The following ROBO1 variants were observed in gnomAD, a reference collection of about 807,000 sequenced individuals.
ROBO1 encodes roundabout homolog 1.
In ROBO1, 149 loss-of-function variants were observed where a neutral mutation model predicts 195.9. The ratio of observed to expected loss-of-function variants is 0.76; its 90% CI spans 0.67 to 0.87. The LOEUF is 0.87. Among genes scored for constraint, ROBO1 ranks in the 40% least tolerant of loss-of-function variants. The probability of loss-of-function intolerance (pLI) is 0.00; values close to 1 mark genes in which losing one functional copy is unlikely to be tolerated. For synonymous variants in ROBO1, 816 were observed against 733.2 expected, an observed-to-expected ratio of 1.11 and a Z score of -1.82; for missense variants, 1,933 against 2,068.3, an observed-to-expected ratio of 0.93 and a Z score of 1.27.
intron 3 of ROBO1, among the ~76,000 whole-genome samples, chr3:78,986,049 C>T (rs1275074172): frequency 6.6e-6 from 1 of 152,128 alleles, no homozygotes; most frequent in African/African-American, 2.4e-5. Flanking sequence ...AAGGAAAGAA[C>T]AAGCTTATGG....
intron 3 of ROBO1, among the ~76,000 whole-genome samples, chr3:79,028,224 C>T (rs1216103892): frequency 6.6e-6 from 1 of 152,062 alleles, no homozygotes; most frequent in East Asian, 1.9e-4. Context: ...TCCAATAATT[C>T]TCTCAAATAT....
At chr3:78,718,022 T>C in intron 5 of ROBO1, 139 bp from the exon 6 acceptor site, 1 of 812,528 alleles carries the variant, frequency 1.2e-6, no homozygotes, top group Non-Finnish European at 1.9e-6. Context: ...ATGTAGTATT[T>C]GCTATTTTTA....
At chr3:79,533,489 A>G (rs7433735) in intron 2 of ROBO1, among the ~76,000 whole-genome samples, 86,806 of 151,764 alleles carry the variant, frequency 0.57, 24,952 homozygotes, top group Non-Finnish European at 0.6. Context: ...TATTTACTAG[A>G]CTAATATTCT....
In ROBO1 at chr3:78,642,593, G is replaced by A. The variant is rs145345027; in HGVS notation, c.2883-2695C>T. On this transcript the variant is annotated intron_variant, in intron 21 of 30. Coordinates refer to ENST00000464233, the MANE Select transcript of ROBO1 (RefSeq NM_002941.4). ...GACTTTCCCATCCCACCCTTCTCAG[G>A]TTTTCTCTGCTTTCTTGCTTTATGC... Among the ~76,000 whole-genome samples the A allele has an allele frequency of 4.6e-5, 7 of 152,240 alleles. No individual in the cohort carries two copies. The East Asian group carries it at 1.4e-3, about 29-fold the overall frequency.
rs58598961 is a variant in ROBO1 at position 78,973,575 on chromosome 3, C to CTATATATA, written c.173-34656_173-34649dup. Among the ~76,000 whole-genome samples, 96 of 129,410 alleles carry CTATATATA rather than the reference C, an allele frequency of 7.4e-4. 1 individual carries two copies. Among genetic ancestry groups the CTATATATA allele is most frequent in the African/African-American group, 2.5e-3 (89 of 36,280 alleles). The allele number at this position is 129,410 out of a possible 152,430, so 84.9% of individuals were successfully genotyped here. A position where few individuals can be genotyped will look rare whatever the true frequency, so the allele number is the denominator to read the frequency against. On this transcript the variant is annotated intron_variant, in intron 3 of 30. Transcript: ENST00000464233. ...TATAAGAAGCTATACATATATGAAG[C>CTATATATA]TATATATATATATATATATATATAG...
At chr3:79,437,788 A>G (rs1205734925) in intron 2 of ROBO1, among the ~76,000 whole-genome samples, 2 of 152,080 alleles carry the variant, frequency 1.3e-5, no homozygotes, top group East Asian at 3.9e-4. Flanking sequence ...AACACTGCTA[A>G]GGGGAAGAGA....
At chr3:78,817,207 C>T (rs1427194018) in intron 4 of ROBO1, among the ~76,000 whole-genome samples, 3 of 152,084 alleles carry the variant, frequency 2.0e-5, no homozygotes, top group Non-Finnish European at 4.4e-5. Context: ...GCCACCCAAG[C>T]CTTCTGCAAT....
chr3:79,323,935 A>G (rs114362940), intron 2 of ROBO1, among the ~76,000 whole-genome samples: 2,025 of 152,278 alleles, frequency 0.013, 41 homozygotes, highest in African/African-American at 0.044. Context: ...CATTTGCTCA[A>G]CTACCATAAT....
At chr3:79,213,819 T>TC (rs2082006766) in intron 2 of ROBO1, among the ~76,000 whole-genome samples, 1 of 136,102 alleles carries the variant, frequency 7.3e-6, no homozygotes, top group Non-Finnish European at 1.6e-5. Flanking sequence ...CCCCTTTCTT[T>TC]TTTTTTTTTT....
At chr3:78,933,643 T>C (rs1302599523) in intron 4 of ROBO1, among the ~76,000 whole-genome samples, 1 of 152,064 alleles carries the variant, frequency 6.6e-6, no homozygotes, top group Non-Finnish European at 1.5e-5. Flanking sequence ...TCCAAATATA[T>C]TGTTATGCAA....
chr3:79,715,992 A>G (rs890905542), intron 1 of ROBO1, among the ~76,000 whole-genome samples: 2 of 152,088 alleles, frequency 1.3e-5, no homozygotes, highest in African/African-American at 4.8e-5. Context: ...AGTAAAATAG[A>G]ATGAAATTAT....
At chr3:78,957,518 T>G (rs765621015) in intron 3 of ROBO1, among the ~76,000 whole-genome samples, 2 of 152,196 alleles carry the variant, frequency 1.3e-5, no homozygotes, top group Non-Finnish European at 2.9e-5. Flanking sequence ...AAGTTGTGTA[T>G]GCAGAACTGC....
At chr3:78,995,594 G>A (rs1048760131) in intron 3 of ROBO1, among the ~76,000 whole-genome samples, 5 of 151,748 alleles carry the variant, frequency 3.3e-5, no homozygotes, top group African/African-American at 7.3e-5. Flanking sequence ...CTTAATTCAC[G>A]TTTATGTTCT....
chr3:79,435,513 T>A (rs997160638), intron 2 of ROBO1, among the ~76,000 whole-genome samples: 3 of 152,184 alleles, frequency 2.0e-5, no homozygotes, highest in Admixed American at 6.6e-5. Flanking sequence ...GGTTTATTCT[T>A]CTCTCTTAAG....
intron 1 of ROBO1, among the ~76,000 whole-genome samples, chr3:79,634,456 C>T (rs776671733): frequency 1.1e-4 from 16 of 152,098 alleles, no homozygotes; most frequent in Non-Finnish European, 2.1e-4. Context: ...TAATATTTCC[C>T]AAGATATAGT....
intron 2 of ROBO1, among the ~76,000 whole-genome samples, chr3:79,348,582 G>T (rs1193663318): frequency 6.6e-6 from 1 of 152,048 alleles, no homozygotes; most frequent in Non-Finnish European, 1.5e-5. Flanking sequence ...TTCTAATTAG[G>T]ATATGGAGAA....
intron 4 of ROBO1, among the ~76,000 whole-genome samples, chr3:78,753,041 T>C (rs1576089950): frequency 6.6e-6 from 1 of 152,140 alleles, no homozygotes. Context: ...ATTCAAAAAT[T>C]GTACATTCTG....
intron 2 of ROBO1, among the ~76,000 whole-genome samples, chr3:79,163,873 C>A (rs1325956159): frequency 6.6e-6 from 1 of 152,146 alleles, no homozygotes; most frequent in Non-Finnish European, 1.5e-5. Context: ...CTTCCAGCAT[C>A]CCCTGATTCT....
At chr3:79,247,586 C>T (rs2082647726) in intron 2 of ROBO1, among the ~76,000 whole-genome samples, 1 of 151,930 alleles carries the variant, frequency 6.6e-6, no homozygotes, top group Non-Finnish European at 1.5e-5. Context: ...CCCCAACTTG[C>T]TTTGCTACTT....
Sources: allele counts gnomAD v4.1 joint callset (sites outside exome capture counted in the v4.1 genomes callset), GRCh38; gene constraint gnomAD v4.1.1; transcripts MANE v1.5; gene names NCBI Gene and HGNC (gene_info 2026-07-23, HGNC 2026-07-21).